KCNG2: variants seen among roughly 807,000 people sequenced by gnomAD.
KCNG2 encodes voltage-gated potassium channel regulatory subunit KCNG2.
A neutral mutation model predicts 12.3 loss-of-function variants in KCNG2; 7 were observed. The ratio of observed to expected loss-of-function variants is 0.57; its 90% CI spans 0.32 to 1.07. The LOEUF (loss-of-function observed/expected upper bound fraction) is 1.07. Among genes scored for constraint, KCNG2 ranks in the 50% least tolerant of loss-of-function variants. The pLI is 0.04. For synonymous variants in KCNG2, 414 were observed against 351.4 expected (o/e 1.18, Z -1.99); for missense variants, 703 against 726.0 (o/e 0.97, Z 0.36).
At chr18:79,898,082 C>G (rs1159483819) in intron 3 of KCNG2, among the ~76,000 whole-genome samples, 1 of 152,218 alleles carries the variant, frequency 6.6e-6, no homozygotes, top group African/African-American at 2.4e-5. Context: ...GCTACGTGGT[C>G]AGCACACGCA....
At position 79,899,898 on chromosome 18, in the gene KCNG2, G is replaced by A. The variant is rs1201483146; in HGVS notation, c.*82G>A. The A allele has an allele frequency of 2.4e-6, 3 of 1,231,158 alleles. No homozygotes were observed. The highest frequency in any genetic ancestry group is 3.1e-6 in the Non-Finnish European group (3 of 972,938). 76.3% of individuals were successfully genotyped at this position (1,231,158 alleles called of 1,614,324 possible). Reference sequence around the variant, plus strand: ...CCCGAGGTGCGCCAAGGGGTGGGGGGCGTCTGGCCTGGGGGAGCGGCTCCT... The same window carrying A: ...CCCGAGGTGCGCCAAGGGGTGGGGGACGTCTGGCCTGGGGGAGCGGCTCCT... On this transcript the variant is annotated 3_prime_UTR_variant, in exon 4 of 4. Coordinates refer to ENST00000316249, the MANE Select transcript of KCNG2 (RefSeq NM_012283.2).
intron 3 of KCNG2, among the ~76,000 whole-genome samples, chr18:79,895,751 T>A (rs72982231): frequency 1.3e-3 from 203 of 150,542 alleles, no homozygotes; most frequent in Middle Eastern, 6.8e-3. Flanking sequence ...TGTTATGATT[T>A]ATATAGTTGG....
intron 3 of KCNG2, among the ~76,000 whole-genome samples, chr18:79,875,193 G>C (rs1290612473): frequency 1.3e-5 from 2 of 152,136 alleles, no homozygotes; most frequent in African/African-American, 4.8e-5. Flanking sequence ...TGGCCATGAG[G>C]AGATTGCCCT....
intron 1 of KCNG2, among the ~76,000 whole-genome samples, chr18:79,843,138 C>A (rs2123039235): frequency 6.6e-6 from 1 of 152,144 alleles, no homozygotes; most frequent in African/African-American, 2.4e-5. Flanking sequence ...GGGAACTTCC[C>A]CATAAGAATA....
intron 2 of KCNG2, among the ~76,000 whole-genome samples, chr18:79,863,343 G>A (rs1167408582): frequency 1.3e-5 from 2 of 152,262 alleles, no homozygotes. Flanking sequence ...TGAAAGCTCC[G>A]TTCGACCCCG....
chr18:79,840,908 C>T (rs1978440653), intron 1 of KCNG2, among the ~76,000 whole-genome samples: 1 of 152,114 alleles, frequency 6.6e-6, no homozygotes, highest in South Asian at 2.1e-4. Context: ...GACCTAATCC[C>T]ACACCTTATA....
chr18:79,892,143 G>A (rs529276032), intron 3 of KCNG2, among the ~76,000 whole-genome samples: 21 of 151,324 alleles, frequency 1.4e-4, no homozygotes, highest in South Asian at 4.2e-4. Context: ...AACACAGTGC[G>A]GTATTGAAGT....
In KCNG2 at chr18:79,800,934, T is replaced by C. The variant is rs557503126; in HGVS notation, c.-115+2920T>C. 7.9e-5 allele frequency among the ~76,000 whole-genome samples: 12 copies of C among 152,350 alleles called. No homozygotes were observed. The East Asian group carries it at 1.4e-3, about 17-fold the overall frequency. ...ATCTTATCAACAGCAGGTTCAGCCT[T>C]TTCACGTGATGGGAGACCATGCCAG... is the stretch of plus-strand genomic sequence containing the variant. On this transcript the variant is annotated intron_variant, in intron 1 of 3. Coordinates refer to ENST00000316249, the MANE Select transcript of KCNG2 (RefSeq NM_012283.2). This position sits in a 1 kb window ranked among gnomAD's most constrained non-coding sequence, Gnocchi z 4.0.
At chr18:79,849,815 C>T (rs1209701110) in intron 1 of KCNG2, among the ~76,000 whole-genome samples, 1 of 152,216 alleles carries the variant, frequency 6.6e-6, no homozygotes, top group Non-Finnish European at 1.5e-5. Flanking sequence ...CTGAGAGCCC[C>T]CCACGTAATC....
At chr18:79,851,481 G>T (rs546330549) in intron 1 of KCNG2, among the ~76,000 whole-genome samples, 1 of 152,162 alleles carries the variant, frequency 6.6e-6, no homozygotes, top group Non-Finnish European at 1.5e-5. Context: ...CGGCTGGAGC[G>T]CCTCCGACAC....
At chr18:79,813,989 C>T (rs2087510581) in intron 1 of KCNG2, among the ~76,000 whole-genome samples, 1 of 152,212 alleles carries the variant, frequency 6.6e-6, no homozygotes, top group African/African-American at 2.4e-5. Context: ...GGAAGGCAGA[C>T]AAGCAGGTGC....
At chr18:79,879,849 G>A (rs1425786134) in intron 3 of KCNG2, among the ~76,000 whole-genome samples, 1 of 152,160 alleles carries the variant, frequency 6.6e-6, no homozygotes, top group Non-Finnish European at 1.5e-5. Flanking sequence ...AAGCTTCCAT[G>A]GTGAGAGGGA....
At chr18:79,799,994 C>G (rs1015662175) in intron 1 of KCNG2, among the ~76,000 whole-genome samples, 1 of 152,196 alleles carries the variant, frequency 6.6e-6, no homozygotes, top group African/African-American at 2.4e-5. Context: ...CTGAATGTCT[C>G]GGGAGGATCT....
intron 1 of KCNG2, among the ~76,000 whole-genome samples, chr18:79,806,324 C>T (rs1231715854): frequency 2.6e-5 from 4 of 151,462 alleles, no homozygotes; most frequent in Non-Finnish European, 4.4e-5. Context: ...ATGGGGCCAT[C>T]GGGAAGCCCC....
intron 3 of KCNG2, among the ~76,000 whole-genome samples, chr18:79,876,658 C>T (rs1011351114): frequency 7.9e-5 from 12 of 152,212 alleles, no homozygotes; most frequent in Admixed American, 2.6e-4. Flanking sequence ...AGGGCAGGGC[C>T]AGCCCCCTCT....
intron 3 of KCNG2, among the ~76,000 whole-genome samples, chr18:79,892,113 TAAAAAAA>T (rs35997999): frequency 1.6e-5 from 2 of 123,672 alleles, no homozygotes; most frequent in South Asian, 6.0e-4. Context: ...AGACTCCGTC[TAAAAAAA>T]AAAAAAAAAA....
In KCNG2 at chr18:79,852,793, CG is replaced by C. The variant is rs1292107559; in HGVS notation, c.-114-3584del. Among the ~76,000 whole-genome samples the C allele has an allele frequency of 3.3e-5, 5 of 152,368 alleles. No homozygotes were observed. The East Asian group carries it at 9.6e-4, about 29-fold the overall frequency. On this transcript the variant is annotated intron_variant, in intron 1 of 3. Transcript: ENST00000316249. Reference sequence around the variant, plus strand: ...GTAATTAAAGTCCAGGCCTCCTGCCCGGTTCAGGGTTCTTTCTGGTACAAAC... The same window carrying C: ...GTAATTAAAGTCCAGGCCTCCTGCCCGTTCAGGGTTCTTTCTGGTACAAAC...
In KCNG2 at chr18:79,893,061, G is replaced by T. The variant is rs577609658; in HGVS notation, c.625-5979G>T. Among the ~76,000 whole-genome samples the T allele has an allele frequency of 2.0e-5, 3 of 152,026 alleles. No individual in the cohort carries two copies. The East Asian group carries it at 5.8e-4, about 29-fold the overall frequency. On this transcript the variant is annotated intron_variant, in intron 3 of 3. Transcript: ENST00000316249. ...TATAGTTGGGTCTGTGTCTGCTTTT[G>T]ATTGGGTTGTTCGCTCCATTCACAT...
intron 1 of KCNG2, among the ~76,000 whole-genome samples, chr18:79,851,670 A>G (rs778566820): frequency 6.6e-6 from 1 of 151,456 alleles, no homozygotes; most frequent in Non-Finnish European, 1.5e-5. Flanking sequence ...TGAATGTGTC[A>G]ATGTGTGTGA....
Sources: allele counts gnomAD v4.1 joint callset (sites outside exome capture counted in the v4.1 genomes callset), GRCh38; gene constraint gnomAD v4.1.1; non-coding constraint Gnocchi (gnomAD v3.1); transcripts MANE v1.5; gene names NCBI Gene and HGNC (gene_info 2026-07-23, HGNC 2026-07-21).